JMJD1C: variants seen among roughly 807,000 people sequenced by gnomAD.
The protein encoded by JMJD1C is jumonji domain containing 1C, also known as jumonji domain-containing protein 1C.
Under a neutral mutation model 245.3 loss-of-function variants are expected in JMJD1C, and 31 were observed. The observed-to-expected ratio is 0.13, with a 90% CI of 0.09 to 0.17. The LOEUF (loss-of-function observed/expected upper bound fraction) is 0.17. Among genes scored for constraint, JMJD1C ranks in the 10% least tolerant of loss-of-function variants. The pLI is 1.00. For missense variants in JMJD1C, 2,691 were observed against 3,000.2 expected (o/e 0.90, Z 2.41); for synonymous variants, 1,057 against 1,017.4 (o/e 1.04, Z -0.74).
intron 2 of JMJD1C, among the ~76,000 whole-genome samples, chr10:63,291,614 T>TAAAAA (rs10650646): frequency 1.4e-5 from 2 of 142,964 alleles, no homozygotes; most frequent in Non-Finnish European, 1.5e-5. Context: ...AAACTCCATC[T>TAAAAA]AAAAAAAAAA....
Position 63,209,100 on chromosome 10 carries a change from G to T in JMJD1C, c.2830C>A (p.Pro944Thr). The T allele has an allele frequency of 1.2e-6, 2 of 1,613,676 alleles. No individual in the cohort carries two copies. Among genetic ancestry groups the T allele is most frequent in the Non-Finnish European group, 1.7e-6 (2 of 1,179,764 alleles). Residue 944 changes from proline (P) to threonine (T), a missense_variant, in exon 9 of 26, where the codon CCA (proline) becomes ACA (threonine). By Grantham distance (38) the Pro-to-Thr change is conservative. Around this residue, in one of 9 missense-constraint regions of JMJD1C, gnomAD observed 1,562 missense variants for 1,490.7 expected, o/e 1.05. Transcript: ENST00000399262. ...RPLKITAHSS[P>T]PLTKTLVDHH... is the part of the protein sequence containing the mutation. Reference sequence around the variant, plus strand: ...TCTACTAAAGTTTTTGTCAATGGTGGACTGGAATGGGCTGTAATTTTAAGA... The same window carrying T: ...TCTACTAAAGTTTTTGTCAATGGTGTACTGGAATGGGCTGTAATTTTAAGA...
chr10:63,491,770 G>A (rs1954185986), intron 1 of JMJD1C, among the ~76,000 whole-genome samples: 1 of 152,148 alleles, frequency 6.6e-6, no homozygotes, highest in Admixed American at 6.5e-5. Context: ...GAAAAAGCAG[G>A]TTTGGGCTCC....
intron 2 of JMJD1C, among the ~76,000 whole-genome samples, chr10:63,320,724 G>T (rs968424860): frequency 6.6e-6 from 1 of 152,088 alleles, no homozygotes; most frequent in African/African-American, 2.4e-5. Flanking sequence ...TGTAGATACA[G>T]GCACTAGGAG....
intron 2 of JMJD1C, among the ~76,000 whole-genome samples, chr10:63,358,008 CA>C (rs1171320132): frequency 6.6e-6 from 1 of 150,446 alleles, no homozygotes; most frequent in Non-Finnish European, 1.5e-5. Flanking sequence ...TATTTCTGGA[CA>C]GGAGAAAAAT....
intron 3 of JMJD1C, among the ~76,000 whole-genome samples, chr10:63,242,815 C>T (rs1233353469): frequency 1.3e-5 from 2 of 151,984 alleles, no homozygotes; most frequent in Non-Finnish European, 2.9e-5. Context: ...TATTTATTTT[C>T]TTAACTCTGA....
At chr10:63,291,124 G>A (rs1858628750) in intron 2 of JMJD1C, among the ~76,000 whole-genome samples, 1 of 149,040 alleles carries the variant, frequency 6.7e-6, no homozygotes, top group African/African-American at 2.5e-5. Context: ...GGCTAACACG[G>A]TGAAACTCTC....
At chr10:63,390,702 T>C (rs1947984346) in intron 1 of JMJD1C, among the ~76,000 whole-genome samples, 1 of 152,186 alleles carries the variant, frequency 6.6e-6, no homozygotes, top group African/African-American at 2.4e-5. Context: ...AGTGAAAATT[T>C]TCCCAGGGAT....
chr10:63,218,984 G>C (rs181694337), intron 4 of JMJD1C, among the ~76,000 whole-genome samples: 5 of 152,254 alleles, frequency 3.3e-5, no homozygotes, highest in Admixed American at 6.5e-5. Context: ...ATAGAATAGG[G>C]TGATGTCTGA....
intron 3 of JMJD1C, among the ~76,000 whole-genome samples, chr10:63,261,359 T>A (rs1395932348): frequency 6.6e-6 from 1 of 152,014 alleles, no homozygotes; most frequent in Non-Finnish European, 1.5e-5. Context: ...GCGGGGTGGA[T>A]CATCTGAGGT....
chr10:63,398,004 TAC>T (rs1443325220), intron 1 of JMJD1C, among the ~76,000 whole-genome samples: 2 of 152,236 alleles, frequency 1.3e-5, no homozygotes, highest in African/African-American at 4.8e-5. Context: ...AACCTTTTGT[TAC>T]AGAGACAGTA....
At chr10:63,317,702 G>A (rs1208758585) in intron 2 of JMJD1C, among the ~76,000 whole-genome samples, 3 of 152,086 alleles carry the variant, frequency 2.0e-5, no homozygotes, top group Admixed American at 6.5e-5. Context: ...ACACCAGAAT[G>A]CCAATGGTGC....
intron 2 of JMJD1C, among the ~76,000 whole-genome samples, chr10:63,305,457 ACC>A (rs1564760890): frequency 2.1e-3 from 78 of 37,148 alleles, no homozygotes; most frequent in African/African-American, 6.2e-3. Flanking sequence ...AGACGCTCTG[ACC>A]CTCTCTCTCT....
chr10:63,490,069 G>A (rs1954119308), intron 1 of JMJD1C, among the ~76,000 whole-genome samples: 1 of 152,140 alleles, frequency 6.6e-6, no homozygotes, highest in African/African-American at 2.4e-5. Flanking sequence ...TGGGGTGGAA[G>A]AGTTTCATCC....
At chr10:63,239,511 C>G (rs946839481) in intron 3 of JMJD1C, among the ~76,000 whole-genome samples, 6 of 152,154 alleles carry the variant, frequency 3.9e-5, no homozygotes, top group African/African-American at 9.7e-5. Context: ...GTGGCACAAT[C>G]TTGGCTCACT....
At chr10:63,408,760 A>C (rs1192829110) in intron 1 of JMJD1C, among the ~76,000 whole-genome samples, 1 of 151,948 alleles carries the variant, frequency 6.6e-6, no homozygotes, top group Non-Finnish European at 1.5e-5. Context: ...GATACAAGAG[A>C]ATAAACTAAG....
intron 2 of JMJD1C, among the ~76,000 whole-genome samples, chr10:63,274,217 T>C (rs1432578175): frequency 6.6e-6 from 1 of 152,234 alleles, no homozygotes; most frequent in African/African-American, 2.4e-5. Context: ...GTAAAATCTA[T>C]GAAAATACAT....
rs142556803 is a variant in JMJD1C, at chr10:63,239,992, G to A, written c.448-20009C>T. Among the ~76,000 whole-genome samples the A allele has an allele frequency of 7.2e-5, 11 of 152,030 alleles. No individual in the cohort carries two copies. The East Asian group carries it at 1.2e-3, about 16-fold the overall frequency. On this transcript the variant is annotated intron_variant, in intron 3 of 25. Coordinates refer to ENST00000399262, the MANE Select transcript of JMJD1C (RefSeq NM_032776.3). ...TGCTTTACATTTTCATTTTGTCATC[G>A]CATTTATTACATTGTATATCACACT...
At chr10:63,343,259 G>A (rs777896340) in intron 2 of JMJD1C, among the ~76,000 whole-genome samples, 12 of 151,852 alleles carry the variant, frequency 7.9e-5, no homozygotes, top group Admixed American at 1.3e-4. Flanking sequence ...CCAGCTCCTC[G>A]GGAGGCTGAG....
At chr10:63,235,738 C>T (rs1850656272) in intron 3 of JMJD1C, among the ~76,000 whole-genome samples, 1 of 152,120 alleles carries the variant, frequency 6.6e-6, no homozygotes, top group South Asian at 2.1e-4. Flanking sequence ...AATCACACAG[C>T]TAGAAGGCAA....
Sources: allele counts gnomAD v4.1 joint callset (sites outside exome capture counted in the v4.1 genomes callset), GRCh38; gene constraint gnomAD v4.1.1; regional missense constraint gnomAD v4.1.1; transcripts MANE v1.5; gene names NCBI Gene and HGNC (gene_info 2026-07-23, HGNC 2026-07-21).